The following ST14 variants were observed in gnomAD, a reference collection of about 807,000 sequenced individuals.
ST14 encodes the protein suppressor of tumorigenicity 14 protein.
A neutral mutation model predicts 96.5 loss-of-function variants in ST14; 40 were observed. The observed-to-expected ratio is 0.41, with a 90% CI of 0.32 to 0.54. ST14 has a LOEUF of 0.54. Among genes scored for constraint, ST14 ranks in the 20% least tolerant of loss-of-function variants. The probability of loss-of-function intolerance (pLI) is 0.17; values close to 1 mark genes in which losing one functional copy is unlikely to be tolerated. For missense variants in ST14, 1,066 were observed against 1,188.9 expected, an observed-to-expected ratio of 0.90 and a Z score of 1.52; for synonymous variants, 506 against 492.1, an observed-to-expected ratio of 1.03 and a Z score of -0.37.
rs551164292 is a variant in ST14, at chr11:130,181,675, C to G, written c.82-6439C>G. On this transcript the variant is annotated intron_variant, in intron 1 of 18. Coordinates refer to ENST00000278742, the MANE Select transcript of ST14 (RefSeq NM_021978.4). The surrounding 1 kb of genome is among the most constrained non-coding windows in gnomAD (Gnocchi z 4.1). ...CTCCCCCACCCAGGAGTTAAAAGAG[C>G]TTTGCTGCTTCACTGACTTTATTAA... 2.0e-5 allele frequency among the ~76,000 whole-genome samples: 3 copies of G among 152,048 alleles called. No homozygotes were observed. The South Asian group carries it at 6.2e-4, about 32-fold the overall frequency.
At chr11:130,168,919 A>C (rs1725479806) in intron 1 of ST14, among the ~76,000 whole-genome samples, 1 of 152,044 alleles carries the variant, frequency 6.6e-6, no homozygotes, top group Non-Finnish European at 1.5e-5. Context: ...CCCTGGGTCC[A>C]CCAAGTCAGA....
At chr11:130,205,697 A>G (rs1259513453) in intron 16 of ST14, among the ~76,000 whole-genome samples, 1 of 121,324 alleles carries the variant, frequency 8.2e-6, no homozygotes, top group South Asian at 2.5e-4. Flanking sequence ...TCTTCTTTAG[A>G]CGTTTTTTTT....
intron 16 of ST14, among the ~76,000 whole-genome samples, chr11:130,206,559 T>C (rs976839718): frequency 4.6e-5 from 5 of 109,104 alleles, no homozygotes; most frequent in Non-Finnish European, 9.7e-5. Context: ...CTCTTTCTCT[T>C]TTCTTTTCTT....
At chr11:130,172,122 CT>C (rs61358236) in intron 1 of ST14, among the ~76,000 whole-genome samples, 51 of 147,416 alleles carry the variant, frequency 3.5e-4, no homozygotes, top group South Asian at 4.3e-4. Context: ...CTTTTGGTTG[CT>C]TTTTTTTTTG....
intron 9 of ST14, among the ~76,000 whole-genome samples, chr11:130,195,746 G>C (rs903144142): frequency 6.6e-6 from 1 of 151,760 alleles, no homozygotes; most frequent in African/African-American, 2.4e-5. Flanking sequence ...CCAGCTGCTC[G>C]GGAGACTGAG....
intron 16 of ST14, among the ~76,000 whole-genome samples, chr11:130,204,705 G>C (rs1222349965): frequency 1.5e-5 from 2 of 134,866 alleles, no homozygotes; most frequent in African/African-American, 2.6e-5. Context: ...CCAGCTACTT[G>C]GGGGCGGCTG....
At chr11:130,174,802 C>T (rs1953121537) in intron 1 of ST14, among the ~76,000 whole-genome samples, 2 of 152,224 alleles carry the variant, frequency 1.3e-5, no homozygotes, top group Admixed American at 1.3e-4. Context: ...CTGCCAAAGG[C>T]TCTGCCCACA....
chr11:130,179,548 A>C (rs1274309701), intron 1 of ST14, among the ~76,000 whole-genome samples: 1 of 152,116 alleles, frequency 6.6e-6, no homozygotes, highest in African/African-American at 2.4e-5. Context: ...GGTGGGGTGA[A>C]GTCCCGCCCT....
chr11:130,198,045 G>C, intron 12 of ST14, 100 bp downstream of exon 12: 1 of 1,285,884 alleles, frequency 7.8e-7, no homozygotes, highest in Non-Finnish European at 1.1e-6. Context: ...AAGGCCGGAG[G>C]TGGTGGGAGT....
At chr11:130,164,794 A>G (rs1953028343) in intron 1 of ST14, among the ~76,000 whole-genome samples, 2 of 151,120 alleles carry the variant, frequency 1.3e-5, no homozygotes, top group African/African-American at 4.9e-5. Context: ...CTGGAGTGCA[A>G]TGGTGTGATC....
intron 16 of ST14, among the ~76,000 whole-genome samples, chr11:130,204,252 G>A (rs2136219961): frequency 6.6e-6 from 1 of 152,352 alleles, no homozygotes; most frequent in East Asian, 1.9e-4. Context: ...GTGGCTGGAT[G>A]TGAGCAGGCT....
At chr11:130,201,988 TTA>T (rs996153150) in intron 16 of ST14, among the ~76,000 whole-genome samples, 20 of 152,228 alleles carry the variant, frequency 1.3e-4, no homozygotes, top group Admixed American at 1.3e-3. Flanking sequence ...TAGGCTCATC[TTA>T]TGTTTCCCCA....
In ST14 at chr11:130,200,436, C is replaced by T. The variant is rs767964951; in HGVS notation, c.1994+299C>T. Among the ~76,000 whole-genome samples, 10 of 152,042 alleles carry T rather than the reference C, an allele frequency of 6.6e-5. No homozygotes were observed. The South Asian group carries it at 1.0e-3, about 16-fold the overall frequency. ...AAGGGGGAGAAGGCACATCACATGG[C>T]GAGAACAGGAGCAAGAGAGAGCAGG... On this transcript the variant is annotated intron_variant, in intron 16 of 18. Transcript: ENST00000278742.
chr11:130,194,764 G>A (rs373347866), intron 9 of ST14, 27 bp downstream of exon 9: 12 of 1,606,236 alleles, frequency 7.5e-6, no homozygotes, highest in Non-Finnish European at 1.0e-5. Context: ...GTGTGAACGT[G>A]TGTGTGTGTG....
At chr11:130,201,464 T>G (rs540459794) in intron 16 of ST14, among the ~76,000 whole-genome samples, 3 of 152,228 alleles carry the variant, frequency 2.0e-5, no homozygotes, top group Non-Finnish European at 4.4e-5. Context: ...GAGGCACAGA[T>G]GGAGTGTGCT....
At chr11:130,198,012 T>C in intron 12 of ST14, 67 bp downstream of exon 12, 1 of 1,467,902 alleles carries the variant, frequency 6.8e-7, no homozygotes, top group Non-Finnish European at 9.2e-7. Context: ...CCCATGGCCC[T>C]GCTGGCTGAC....
chr11:130,188,260 G>A lies in ST14; in HGVS notation c.228G>A (p.Val76=). The change falls in exon 2 of 19, where the codon GTG becomes GTA. Residue 76 remains valine, a synonymous_variant. Transcript: ENST00000278742. The surrounding 1 kb of genome is among the most constrained non-coding windows in gnomAD (Gnocchi z 5.4). ...TCTTGCTGGGGATCGGCTTCCTGGT[G>A]TGGCATTTGCAGTGTGAGTAAAGCT... ...LLVLLGIGFL[V]WHLQYRDVRV... The A allele has an allele frequency of 6.2e-7, 1 of 1,613,742 alleles. No homozygotes were observed. Among genetic ancestry groups the A allele is most frequent in the Non-Finnish European group, 8.5e-7 (1 of 1,179,734 alleles).
At chr11:130,197,778 G>T (rs960988113) in intron 11 of ST14, 63 bp from the exon 12 acceptor site, 1 of 1,404,626 alleles carries the variant, frequency 7.1e-7, no homozygotes, top group Non-Finnish European at 9.7e-7. Flanking sequence ...GAGGGAGGGA[G>T]CCGGGAGCCA....
intron 18 of ST14, 21 bp from the exon 19 acceptor site, chr11:130,209,641 G>C (rs745721367): frequency 1.3e-6 from 2 of 1,590,686 alleles, no homozygotes; most frequent in Non-Finnish European, 1.7e-6. Context: ...GGGACTCACG[G>C]CAGGGCTTGT....
Sources: allele counts gnomAD v4.1 joint callset (sites outside exome capture counted in the v4.1 genomes callset), GRCh38; gene constraint gnomAD v4.1.1; non-coding constraint Gnocchi (gnomAD v3.1); transcripts MANE v1.5; gene names NCBI Gene and HGNC (gene_info 2026-07-23, HGNC 2026-07-21).